The following CCDC22 variants were observed in gnomAD, a reference collection of about 807,000 sequenced individuals.
CCDC22 encodes the protein coiled-coil domain-containing protein 22.
In CCDC22, 4 loss-of-function variants were observed where a neutral mutation model predicts 53.1. The ratio of observed to expected loss-of-function variants is 0.08; its 90% CI spans 0.04 to 0.17. The LOEUF (loss-of-function observed/expected upper bound fraction) is 0.17, where lower values mean the gene tolerates loss of function less well. Among genes scored for constraint, CCDC22 ranks in the 10% least tolerant of loss-of-function variants. The pLI is 1.00. For missense variants in CCDC22, 458 were observed against 554.0 expected (o/e 0.83, Z 1.74); for synonymous variants, 222 against 224.4 (o/e 0.99, Z 0.10).
chrX:49,235,754 C>T, intron 1 of CCDC22, 68 bp downstream of exon 1: 2 of 991,662 alleles, frequency 2.0e-6, no homozygotes, highest in Non-Finnish European at 1.4e-6. Flanking sequence ...GACCCCGTTT[C>T]CCGGGAACCT....
chrX:49,247,795 T>C (rs375248691), intron 9 of CCDC22, 27 bp downstream of exon 9: 30 of 1,206,299 alleles, frequency 2.5e-5, no homozygotes, highest in African/African-American at 1.2e-4. Context: ...GGGCTGCGCG[T>C]TGGGCTAGGT....
rs781984084 is a variant in CCDC22 at position 49,247,676 on chromosome X, C to G, written c.1000C>G (p.Leu334Val). Reference protein sequence around the residue: ...QVTWAAQEQELESLREQLEGV... With the variant: ...QVTWAAQEQEVESLREQLEGV... The stretch of plus-strand genomic sequence containing the variant: ...CACGTGGGCAGCTCAGGAACAGGAG[C>G]TCGAGTCCCTTCGGGAGCAGCTGGA... The change falls in exon 9 of 17, where the codon CTC (leucine) becomes GTC (valine). Residue 334 changes from leucine (L) to valine (V), a missense_variant. Leu to Val is a conservative substitution (Grantham distance 32). Coordinates refer to ENST00000376227, the MANE Select transcript of CCDC22 (RefSeq NM_014008.5). The G allele has an allele frequency of 1.8e-5, 21 of 1,198,278 alleles. No individual in the cohort carries two copies. In the South Asian group the frequency reaches 3.6e-4, roughly 21 times the overall value.
chrX:49,245,622 C>T (rs183295336), intron 6 of CCDC22, among the ~76,000 whole-genome samples: 12 of 112,139 alleles, frequency 1.1e-4, no homozygotes, highest in African/African-American at 2.6e-4. Flanking sequence ...CCATCTGCCT[C>T]GGCCTCCCAA....
At position 49,250,019 on chromosome X, in the gene CCDC22, T is replaced by TGG. The variant is rs781971484; in HGVS notation, c.1771-128_1771-127dup. On this transcript the variant is annotated intron_variant, in intron 16 of 16. Coordinates refer to ENST00000376227, the MANE Select transcript of CCDC22 (RefSeq NM_014008.5). ...GGTAGAGGGAACACCACACGAGGCC[T>TGG]GGCCATGGGACAGAGCAGGCTGTTG... is the stretch of plus-strand genomic sequence containing the variant. The TGG allele has an allele frequency of 1.7e-5, 8 of 481,396 alleles. No individual in the cohort carries two copies. In the African/African-American group the frequency reaches 1.7e-4, roughly 10 times the overall value. The allele number at this position is 481,396 out of a possible 1,213,427, so 39.7% of individuals were successfully genotyped here.
At chrX:49,246,627 T>G in intron 6 of CCDC22, 104 bp from the exon 7 acceptor site, 1 of 672,673 alleles carries the variant, frequency 1.5e-6, no homozygotes, top group Non-Finnish European at 2.1e-6. Context: ...AGGGTGGGGG[T>G]GACTTGTCAG....
In CCDC22 at chrX:49,235,701, C is replaced by G. The variant is rs1189223935; in HGVS notation, c.50+15C>G. ...CAGGCCGGCACGTAAGGACAGAGCC[C>G]CCGCCCACCCCCGAAGCCCACATCC... is the stretch of plus-strand genomic sequence containing the variant. On this transcript the variant is annotated intron_variant, in intron 1 of 16. Transcript: ENST00000376227. The G allele has an allele frequency of 1.7e-6, 2 of 1,165,101 alleles. No individual in the cohort carries two copies. Among genetic ancestry groups the G allele is most frequent in the Non-Finnish European group, 2.3e-6 (2 of 868,799 alleles).
intron 2 of CCDC22, among the ~76,000 whole-genome samples, chrX:49,238,976 T>A (rs1250776027): frequency 9.0e-6 from 1 of 110,878 alleles, no homozygotes; most frequent in East Asian, 2.8e-4. Flanking sequence ...CCTGGCTCAC[T>A]CACTCTGTGA....
intron 3 of CCDC22, 53 bp downstream of exon 3, chrX:49,242,201 C>G: frequency 8.3e-7 from 1 of 1,202,386 alleles, no homozygotes; most frequent in Non-Finnish European, 1.1e-6. Context: ...GGAGGGCCTT[C>G]TAGGGGCTGT....
intron 2 of CCDC22, among the ~76,000 whole-genome samples, chrX:49,239,103 C>T (rs375881315): frequency 1.2e-4 from 13 of 111,048 alleles, no homozygotes; most frequent in South Asian, 1.1e-3. Context: ...CTCAGCCTGC[C>T]GAGTGGCTGG....
At position 49,242,766 on chromosome X, in the gene CCDC22, G is replaced by A. The variant is rs138580811; in HGVS notation, c.362-120G>A. 4.4e-3 allele frequency: 1,872 copies of A among 423,177 alleles called. 34 individuals are homozygous for A. The highest frequency in any genetic ancestry group is 0.04 in the African/African-American group (1,603 of 39,924). The allele number at this position is 423,177 out of a possible 1,213,427, so 34.9% of individuals were successfully genotyped here. A position where few individuals can be genotyped will look rare whatever the true frequency, so the allele number is the denominator to read the frequency against. ...TTGTTGAATGACTGAACGTGAGAAC[G>A]CAAGCTGGATAGATGTGTATCTCTG... On this transcript the variant is annotated intron_variant, in intron 3 of 16. Transcript: ENST00000376227.
rs782631672 is a variant in CCDC22 at position 49,242,928 on chromosome X, G to A, written c.404G>A (p.Arg135Gln). 12 of 1,166,771 alleles carry A rather than the reference G, an allele frequency of 1.0e-5. No homozygotes were observed. The highest frequency in any genetic ancestry group is 9.0e-5 in the African/African-American group (5 of 55,721). The change falls in exon 4 of 17, where the codon CGG becomes CAG. Residue 135 changes from arginine (R) to glutamine (Q), a missense_variant. Physicochemically the swap from Arg to Gln is conservative, Grantham distance 43. Transcript: ENST00000376227. ...CTCCGGGCCATTGGGAGCCAAATTC[G>A]GGACCAGCTGGCACTGCCTTGGGTC... ...ILLRAIGSQIRDQLALPWVPP... is the reference protein window; with the variant it reads ...ILLRAIGSQIQDQLALPWVPP...
At chrX:49,241,319 C>G (rs2065962338) in intron 2 of CCDC22, among the ~76,000 whole-genome samples, 2 of 109,884 alleles carry the variant, frequency 1.8e-5, no homozygotes, top group African/African-American at 6.6e-5. Context: ...GTAGCCCTGT[C>G]TACACTGAAA....
chrX:49,235,859 ACACACG>A (rs1374184054), intron 1 of CCDC22, among the ~76,000 whole-genome samples, 173 bp downstream of exon 1: 28 of 75,531 alleles, frequency 3.7e-4, no homozygotes, highest in African/African-American at 9.8e-4. Context: ...ACACACACAC[ACACACG>A]CACACACACA....
intron 7 of CCDC22, 54 bp downstream of exon 7, chrX:49,246,979 G>T: frequency 1.0e-6 from 1 of 983,878 alleles, no homozygotes; most frequent in Non-Finnish European, 1.4e-6. Flanking sequence ...GGCTTGGAGG[G>T]TGGCTTTTTG....
Position 49,243,390 on chromosome X carries a change from C to G in CCDC22, c.642C>G (p.Leu214=). 1 of 1,205,554 alleles carries G rather than the reference C, an allele frequency of 8.3e-7. No individual in the cohort carries two copies. The highest frequency in any genetic ancestry group is 1.1e-6 in the Non-Finnish European group (1 of 892,249). ...TCCTCGAACACCATGCCCTGCAGCT[C>G]TGCCAGCAGACGGGCCGGGACCGGC... ...ASLLEHHALQ[L]CQQTGRDRPG... is the part of the protein sequence containing the mutation. The change falls in exon 6 of 17, where the codon CTC becomes CTG. Residue 214 remains leucine (L), a synonymous_variant. Transcript: ENST00000376227.
chrX:49,235,861 A>ACACG (rs1179937770), intron 1 of CCDC22, among the ~76,000 whole-genome samples, 175 bp downstream of exon 1: 31 of 105,788 alleles, frequency 2.9e-4, no homozygotes, highest in African/African-American at 9.8e-4. Flanking sequence ...ACACACACAC[A>ACACG]CACGCACACA....
chrX:49,242,854 C>T lies in CCDC22; in HGVS notation c.362-32C>T, dbSNP rs372015854. The T allele has an allele frequency of 5.3e-6, 5 of 942,444 alleles. No individual in the cohort carries two copies. The African/African-American group carries it at 1.0e-4, about 19-fold the overall frequency. The allele number at this position is 942,444 out of a possible 1,213,427, so 77.7% of individuals were successfully genotyped here. A position where few individuals can be genotyped will look rare whatever the true frequency, so the allele number is the denominator to read the frequency against. On this transcript the variant is annotated intron_variant, in intron 3 of 16. Transcript: ENST00000376227. ...TGCCCTTTTGGATTTGCAGCATTGA[C>T]ATCTGATTCACTTCCTCCCTATCCC...
At chrX:49,247,211 G>A (rs1188438374) in intron 7 of CCDC22, 6 of 437,054 alleles carry the variant, frequency 1.4e-5, no homozygotes, top group African/African-American at 9.8e-5. Flanking sequence ...GTCCTAAGAT[G>A]TTCACTCTGA....
intron 9 of CCDC22, among the ~76,000 whole-genome samples, 196 bp downstream of exon 9, chrX:49,247,964 A>G (rs1191643594): frequency 9.1e-6 from 1 of 110,239 alleles, no homozygotes; most frequent in Non-Finnish European, 1.9e-5. Flanking sequence ...GTGGGCATCT[A>G]TGGGGCACCG....
Sources: gnomAD v4.1 joint callset for allele counts (sites outside exome capture counted in the v4.1 genomes callset) on GRCh38, gnomAD v4.1.1 for gene constraint, MANE v1.5 for transcripts, NCBI Gene and HGNC (gene_info 2026-07-23, HGNC 2026-07-21) for gene names.